Variants in SLC2A7 observed in about 807,000 individuals in gnomAD.
SLC2A7 encodes the protein solute carrier family 2, facilitated glucose transporter member 7.
SLC2A7 carries 50 observed loss-of-function variants against 50.5 expected under a neutral mutation model. The observed-to-expected ratio is 0.99, with a 90% CI of 0.79 to 1.25. The LOEUF is 1.25. Ranked by LOEUF, SLC2A7 falls within the 50% of genes most tolerant of loss-of-function variation. The probability of loss-of-function intolerance (pLI) is 0.00; values close to 1 mark genes in which losing one functional copy is unlikely to be tolerated. For missense variants in SLC2A7, 683 were observed against 679.1 expected, an observed-to-expected ratio of 1.01 and a Z score of -0.06; for synonymous variants, 308 against 300.4, an observed-to-expected ratio of 1.03 and a Z score of -0.26.
At chr1:9,010,916 C>A (rs966480274) in intron 8 of SLC2A7, among the ~76,000 whole-genome samples, 1 of 152,200 alleles carries the variant, frequency 6.6e-6, no homozygotes, top group Non-Finnish European at 1.5e-5. Context: ...CCACTGATAG[C>A]AAACAAACCG....
rs771772352 is a variant in SLC2A7, at chr1:9,015,171, C to T, written c.661G>A (p.Glu221Lys). 9 of 1,612,720 alleles carry T rather than the reference C, an allele frequency of 5.6e-6. No homozygotes were observed. Among genetic ancestry groups the T allele is most frequent in the South Asian group, 4.4e-5 (4 of 90,856 alleles). Reference protein sequence around the residue: ...LQLLTLPFFPESPRYSLIQKG... With the variant: ...LQLLTLPFFPKSPRYSLIQKG... ...TGAATCAGGGAGTAGCGGGGGCTTT[C>T]GGGGAAGAAGGGCAGGGTCAGCAGC... The change falls in exon 6 of 12, where the codon GAA (glutamate) becomes AAA (lysine). Residue 221 changes from glutamate (E) to lysine (K), a missense_variant. Glu to Lys is a moderately conservative substitution (Grantham distance 56, BLOSUM62 1). Coordinates refer to ENST00000400906, the MANE Select transcript of SLC2A7 (RefSeq NM_207420.3).
rs375258849 is a variant in SLC2A7, at chr1:9,022,826, T to C, written c.311+92A>G. 5.2e-5 allele frequency: 79 copies of C among 1,510,456 alleles called. No homozygotes were observed. The East Asian group carries it at 8.2e-4, about 16-fold the overall frequency. 93.6% of individuals were successfully genotyped at this position (1,510,456 alleles called of 1,614,324 possible). A position where few individuals can be genotyped will look rare whatever the true frequency, so the allele number is the denominator to read the frequency against. ...ACTTCAGATCTCCTGATTTTCAGGG[T>C]CACACGTCTCCCCACCAGGTGCACA... On this transcript the variant is annotated intron_variant, in intron 3 of 11. Coordinates refer to ENST00000400906, the MANE Select transcript of SLC2A7 (RefSeq NM_207420.3).
At chr1:9,023,468 G>A (rs554982821) in intron 2 of SLC2A7, among the ~76,000 whole-genome samples, 48 of 152,104 alleles carry the variant, frequency 3.2e-4, no homozygotes, top group Admixed American at 2.2e-3. Context: ...TTAGCTGGGC[G>A]TGGTGGCGGG....
downstream of SLC2A7, among the ~76,000 whole-genome samples, chr1:9,000,717 C>T (rs1640561748): frequency 6.6e-6 from 1 of 151,506 alleles, no homozygotes. Flanking sequence ...GACTGACTAG[C>T]ATCTAGCAAA....
chr1:8,998,710 A>G (rs895982491), downstream of SLC2A7, among the ~76,000 whole-genome samples: 1 of 152,156 alleles, frequency 6.6e-6, no homozygotes, highest in Non-Finnish European at 1.5e-5. Flanking sequence ...GCCTGCTGGA[A>G]TTTTGATGGA....
chr1:9,019,406 T>C, intron 3 of SLC2A7, 73 bp from the exon 4 acceptor site: 6 of 1,585,086 alleles, frequency 3.8e-6, no homozygotes, highest in Non-Finnish European at 5.1e-6. Context: ...CAGCTCCTAT[T>C]CTGCGGGCAG....
At position 9,019,228 on chromosome 1, in the gene SLC2A7, C is replaced by T. The variant is rs756627598; in HGVS notation, c.417G>A (p.Val139=). 1.9e-6 allele frequency: 3 copies of T among 1,614,040 alleles called. No homozygotes were observed. The East Asian group carries it at 6.7e-5, about 36-fold the overall frequency. ...KAFELIVFSR[V]VLGVCAGISY... ...AGGTACCTGCACAGACTCCCAGCAC[C>T]ACTCGGGAAAAGACGATCAGCTCAA... Residue 139 remains valine (V), a synonymous_variant, in exon 4 of 12, where the codon GTG becomes GTA. Coordinates refer to ENST00000400906, the MANE Select transcript of SLC2A7 (RefSeq NM_207420.3).
chr1:9,007,182 G>T, intron 10 of SLC2A7, 128 bp downstream of exon 10: 1 of 1,045,826 alleles, frequency 9.6e-7, no homozygotes, highest in Non-Finnish European at 1.5e-6. Context: ...AAGAACGTGT[G>T]GGATCTGCGT....
chr1:9,013,733 T>A, intron 7 of SLC2A7, 98 bp from the exon 8 acceptor site: 2 of 1,037,112 alleles, frequency 1.9e-6, no homozygotes, highest in Non-Finnish European at 1.4e-6. Context: ...CAAGCCTGGG[T>A]TGGGGACCCT....
At chr1:9,010,074 C>T (rs1056034611) in intron 9 of SLC2A7, 69 bp downstream of exon 9, 177 of 1,443,684 alleles carry the variant, frequency 1.2e-4, no homozygotes, top group Middle Eastern at 1.0e-3. Context: ...GCAGCGGGCC[C>T]GGTTCAGTCA....
At chr1:8,996,881 T>C in the SLC2A7 span, among the ~76,000 whole-genome samples, 1 of 152,026 alleles carries the variant, frequency 6.6e-6, no homozygotes, top group Non-Finnish European at 1.5e-5. Context: ...GATCAAGCAA[T>C]TCTCCTGCCT....
chr1:9,016,882 C>T (rs1246479315), intron 5 of SLC2A7, among the ~76,000 whole-genome samples: 1 of 152,048 alleles, frequency 6.6e-6, no homozygotes, highest in Non-Finnish European at 1.5e-5. Context: ...AAACAATACC[C>T]CAAAATGAAG....
rs144930725 is a variant in SLC2A7, at chr1:9,024,988, G to A, written c.138C>T (p.Asn46=). ...ACCTTGTGCCCACCTTGTGCGGCGT[G>A]TTGACCACAGAGAGGTTGTAGCCGT... ...FQYGYNLSVV[N]TPHKVFKSFY... Residue 46 remains asparagine, a synonymous_variant, in exon 2 of 12, where the codon AAC becomes AAT. Coordinates refer to ENST00000400906, the MANE Select transcript of SLC2A7 (RefSeq NM_207420.3). The A allele has an allele frequency of 2.3e-3, 3,542 of 1,563,884 alleles. 6 individuals carry two copies. The highest frequency in any genetic ancestry group is 2.5e-3 in the Non-Finnish European group (2,860 of 1,153,762).
intron 10 of SLC2A7, among the ~76,000 whole-genome samples, chr1:9,007,105 G>A (rs142794704): frequency 1.1e-3 from 164 of 152,378 alleles, no homozygotes; most frequent in Non-Finnish European, 2.0e-3. Flanking sequence ...GATCAGTGGG[G>A]CGCTGGCCTG....
chr1:9,019,187 C>G, intron 4 of SLC2A7, 22 bp downstream of exon 4: 1 of 1,611,126 alleles, frequency 6.2e-7, no homozygotes, highest in Non-Finnish European at 8.5e-7. Context: ...CAAGGCTGAG[C>G]CGGAGCCTGG....
At chr1:9,000,657 G>T (rs1640561320), downstream of SLC2A7, among the ~76,000 whole-genome samples, 1 of 151,888 alleles carries the variant, frequency 6.6e-6, no homozygotes, top group Admixed American at 6.6e-5. Flanking sequence ...AAAAGGGGTG[G>T]TCTAATTCTC....
rs1486828993 is a variant in SLC2A7, at chr1:9,015,182, G to A, written c.650C>T (p.Pro217Leu). 9 of 1,612,114 alleles carry A rather than the reference G, an allele frequency of 5.6e-6. No individual in the cohort carries two copies. The highest frequency in any genetic ancestry group is 4.0e-5 in the African/African-American group (3 of 74,888). ...GTAGCGGGGGCTTTCGGGGAAGAAG[G>A]GCAGGGTCAGCAGCTGCAGCAGGGC... ...VPALLQLLTLPFFPESPRYSL... is the reference protein window; with the variant it reads ...VPALLQLLTLLFFPESPRYSL... The change falls in exon 6 of 12, where the codon CCC (proline) becomes CTC (leucine). Residue 217 changes from proline (P) to leucine (L), a missense_variant. By Grantham distance (98) the Pro-to-Leu change is moderately conservative (BLOSUM62 -3). Coordinates refer to ENST00000400906, the MANE Select transcript of SLC2A7 (RefSeq NM_207420.3).
At position 9,008,865 on chromosome 1, in the gene SLC2A7, G is replaced by A. The variant is rs1640699785; in HGVS notation, c.1116+1278C>T. Among the ~76,000 whole-genome samples, 1 of 152,118 alleles carries A rather than the reference G, an allele frequency of 6.6e-6. No individual in the cohort carries two copies. Among genetic ancestry groups the A allele is most frequent in the African/African-American group, 2.4e-5 (1 of 41,402 alleles). ...CCCGCTTTGGCTTCCCAAAGTGCTG[G>A]GATTACAGGTGTGAGCCACTGCGTC... On this transcript the variant is annotated intron_variant, in intron 9 of 11. Transcript: ENST00000400906. The surrounding 1 kb of genome is among the most constrained non-coding windows in gnomAD (Gnocchi z 5.9).
downstream of SLC2A7, among the ~76,000 whole-genome samples, chr1:9,001,950 G>GCC (rs1263088847): frequency 6.6e-6 from 1 of 152,184 alleles, no homozygotes; most frequent in African/African-American, 2.4e-5. Context: ...TGTAACCCTA[G>GCC]CCCCAACCCT....
Sources: allele counts gnomAD v4.1 joint callset (sites outside exome capture counted in the v4.1 genomes callset), GRCh38; gene constraint gnomAD v4.1.1; non-coding constraint Gnocchi (gnomAD v3.1); transcripts MANE v1.5; gene names NCBI Gene and HGNC (gene_info 2026-07-23, HGNC 2026-07-21).